The following MTUS2 variants were observed in gnomAD, a reference collection of about 807,000 sequenced individuals.
MTUS2 encodes the protein microtubule-associated tumor suppressor candidate 2.
In MTUS2, 40 loss-of-function variants were observed where a neutral mutation model predicts 114.1. The ratio of observed to expected loss-of-function variants is 0.35; its 90% CI spans 0.27 to 0.46. MTUS2 has a LOEUF of 0.46. MTUS2 is among the 20% of genes least tolerant of loss of function. The pLI, the probability that MTUS2 is intolerant of heterozygous loss-of-function variation, is 1.00. For missense variants in MTUS2, 1,679 were observed against 1,705.4 expected (o/e 0.98, Z 0.27); for synonymous variants, 688 against 672.0 (o/e 1.02, Z -0.37).
At chr13:29,319,532 G>T (rs1900164477) in intron 6 of MTUS2, among the ~76,000 whole-genome samples, 1 of 152,158 alleles carries the variant, frequency 6.6e-6, no homozygotes, top group Admixed American at 6.5e-5. Context: ...CCGAGGTAGG[G>T]CTGTCATCGT....
At chr13:29,253,805 C>T (rs1174935126) in intron 5 of MTUS2, among the ~76,000 whole-genome samples, 2 of 151,828 alleles carry the variant, frequency 1.3e-5, no homozygotes, top group African/African-American at 2.4e-5. Context: ...GAGCAAGTCA[C>T]ATCTTACGTG....
chr13:28,945,438 A>C (rs1223675348), intron 2 of MTUS2, among the ~76,000 whole-genome samples: 3 of 152,174 alleles, frequency 2.0e-5, no homozygotes, highest in Non-Finnish European at 4.4e-5. Context: ...ACTAATTTAC[A>C]TTCCCACTGG....
intron 2 of MTUS2, among the ~76,000 whole-genome samples, chr13:29,014,204 C>T (rs1468071576): frequency 6.6e-6 from 1 of 152,192 alleles, no homozygotes; most frequent in Admixed American, 6.5e-5. Context: ...GAGCCAGGCC[C>T]CACCCTGCTG....
In MTUS2 at chr13:29,307,617, G is replaced by A. The variant is rs1034653135; in HGVS notation, c.2807-16996G>A. ...GCATCCTGGGCTACACTGAGTACCA[G>A]CTTGTCTCCTCTGACTTCAACAGCG... On this transcript the variant is annotated intron_variant, in intron 6 of 15. Transcript: ENST00000612955. 7 of 1,169,974 alleles carry A rather than the reference G, an allele frequency of 6.0e-6. No homozygotes were observed. In the Admixed American group the frequency reaches 8.5e-5, roughly 14 times the overall value. 72.5% of individuals were successfully genotyped at this position (1,169,974 alleles called of 1,614,324 possible). A position where few individuals can be genotyped will look rare whatever the true frequency, so the allele number is the denominator to read the frequency against.
intron 5 of MTUS2, among the ~76,000 whole-genome samples, chr13:29,126,796 C>A (rs766207939): frequency 2.0e-5 from 3 of 152,136 alleles, no homozygotes; most frequent in African/African-American, 4.8e-5. Context: ...TGGGGTCCTG[C>A]GTCTCTACTC....
intron 9 of MTUS2, among the ~76,000 whole-genome samples, chr13:29,464,724 C>T (rs937694394): frequency 1.3e-5 from 2 of 152,226 alleles, no homozygotes; most frequent in South Asian, 4.2e-4. Flanking sequence ...ACAGGATCCT[C>T]CGATAATTGG....
At chr13:29,010,082 G>T (rs565828674) in intron 2 of MTUS2, among the ~76,000 whole-genome samples, 1 of 151,846 alleles carries the variant, frequency 6.6e-6, no homozygotes, top group African/African-American at 2.4e-5. Flanking sequence ...ATGGTGGCAC[G>T]TGCCTGTAGT....
intron 2 of MTUS2, among the ~76,000 whole-genome samples, chr13:28,884,461 GT>G (rs1004019512): frequency 6.6e-6 from 1 of 152,158 alleles, no homozygotes; most frequent in Admixed American, 6.5e-5. Flanking sequence ...ATGGATGGTG[GT>G]GATGTCTGTA....
Position 29,003,309 on chromosome 13 carries a change from T to C in MTUS2, c.-242-21148T>C, listed in dbSNP as rs373821397. 2.6e-5 allele frequency among the ~76,000 whole-genome samples: 4 copies of C among 152,366 alleles called. No individual in the cohort carries two copies. The East Asian group carries it at 5.8e-4, about 22-fold the overall frequency. On this transcript the variant is annotated intron_variant, in intron 2 of 15. Coordinates refer to ENST00000612955, the MANE Select transcript of MTUS2 (RefSeq NM_001033602.4). ...ACAGATGGCAGAACTGAGGCACAGA[T>C]AGATCAAGTAACCAGCTCAAGTGCA...
At chr13:28,991,392 G>A (rs1002601863) in intron 2 of MTUS2, among the ~76,000 whole-genome samples, 3 of 147,300 alleles carry the variant, frequency 2.0e-5, no homozygotes, top group African/African-American at 7.5e-5. Flanking sequence ...TTTTTGAGAC[G>A]GAGTCTCGCT....
intron 4 of MTUS2, among the ~76,000 whole-genome samples, chr13:29,084,953 G>T (rs1018469672): frequency 2.6e-5 from 4 of 152,238 alleles, no homozygotes; most frequent in African/African-American, 9.6e-5. Flanking sequence ...AATGTTGGAG[G>T]TGGGGCTAAT....
chr13:28,946,479 G>A (rs1418887347), intron 2 of MTUS2, among the ~76,000 whole-genome samples: 1 of 152,130 alleles, frequency 6.6e-6, no homozygotes, highest in Non-Finnish European at 1.5e-5. Context: ...GTTTGAGGGA[G>A]ATGGCTTGAT....
chr13:29,153,883 G>C (rs528793632), intron 5 of MTUS2, among the ~76,000 whole-genome samples: 26 of 152,296 alleles, frequency 1.7e-4, no homozygotes, highest in Non-Finnish European at 3.1e-4. Flanking sequence ...AAGGATAATA[G>C]AAGTATGCAG....
At chr13:29,292,446 C>T (rs35319210) in intron 6 of MTUS2, among the ~76,000 whole-genome samples, 5,817 of 152,176 alleles carry the variant, frequency 0.038, 138 homozygotes, top group East Asian at 0.09. Context: ...AATTCACAGG[C>T]GACTTGGATT....
chr13:29,065,350 T>G (rs1888615235), intron 4 of MTUS2, among the ~76,000 whole-genome samples: 1 of 152,202 alleles, frequency 6.6e-6, no homozygotes, highest in South Asian at 2.1e-4. Context: ...TATCTCATTG[T>G]GGTTTTGATT....
rs150078679 is a variant in MTUS2 at position 29,501,482 on chromosome 13, G to A, written c.3896+288G>A. 2.9e-3 allele frequency among the ~76,000 whole-genome samples: 439 copies of A among 152,322 alleles called. 1 individual carries two copies. The highest frequency in any genetic ancestry group is 0.01 in the African/African-American group (418 of 41,556). On this transcript the variant is annotated intron_variant, in intron 15 of 15. Coordinates refer to ENST00000612955, the MANE Select transcript of MTUS2 (RefSeq NM_001033602.4). The stretch of plus-strand genomic sequence containing the variant: ...GGTTTATTTTTGGAAGAGATTAGGA[G>A]AGGAGGGCCAGCTGGGTGTTCCCAG...
At chr13:29,392,948 T>A (rs1417485124) in intron 8 of MTUS2, among the ~76,000 whole-genome samples, 1 of 152,220 alleles carries the variant, frequency 6.6e-6, no homozygotes, top group Non-Finnish European at 1.5e-5. Flanking sequence ...TATGCAATGA[T>A]ATCTGAAACT....
intron 8 of MTUS2, among the ~76,000 whole-genome samples, chr13:29,417,097 C>T (rs944381279): frequency 2.6e-5 from 4 of 152,168 alleles, no homozygotes; most frequent in South Asian, 2.1e-4. Context: ...AAGCATGGCA[C>T]CTGCATCTGT....
At chr13:28,943,830 A>T (rs1882373550) in intron 2 of MTUS2, among the ~76,000 whole-genome samples, 1 of 152,102 alleles carries the variant, frequency 6.6e-6, no homozygotes, top group African/African-American at 2.4e-5. Context: ...GAGGGCAGGG[A>T]ATGCCACATT....
Sources: allele counts gnomAD v4.1 joint callset (sites outside exome capture counted in the v4.1 genomes callset), GRCh38; gene constraint gnomAD v4.1.1; transcripts MANE v1.5; gene names NCBI Gene and HGNC (gene_info 2026-07-23, HGNC 2026-07-21).